Variants in MEPCE observed in about 807,000 individuals in gnomAD.
MEPCE encodes 7SK snRNA methylphosphate capping enzyme.
In MEPCE, 9 loss-of-function variants were observed where a neutral mutation model predicts 52.3. That is an observed-to-expected ratio of 0.17 (90% CI 0.10 to 0.30). The LOEUF is 0.30. MEPCE is among the 10% of genes least tolerant of loss of function. The probability of loss-of-function intolerance (pLI) is 1.00; values close to 1 mark genes in which losing one functional copy is unlikely to be tolerated. For missense variants in MEPCE, 826 were observed against 933.0 expected (o/e 0.89, Z 1.49); for synonymous variants, 477 against 401.6 (o/e 1.19, Z -2.25).
At chr7:100,429,763 T>C (rs1179495233), upstream of MEPCE, 1 of 368,288 alleles carries the variant, frequency 2.7e-6, no homozygotes, top group East Asian at 3.9e-5. Flanking sequence ...GGCCGGGTGG[T>C]AGTGGCGGAG....
In MEPCE at chr7:100,431,835, C is replaced by T. The variant is rs1584325510; in HGVS notation, c.1671+146C>T. 1.2e-5 allele frequency: 9 copies of T among 763,032 alleles called. No homozygotes were observed. In the East Asian group the frequency reaches 2.4e-4, roughly 21 times the overall value. The allele number at this position is 763,032 out of a possible 1,614,324, so 47.3% of individuals were successfully genotyped here. A position where few individuals can be genotyped will look rare whatever the true frequency, so the allele number is the denominator to read the frequency against. On this transcript the variant is annotated intron_variant, in intron 1 of 3. Coordinates refer to ENST00000310512, the MANE Select transcript of MEPCE (RefSeq NM_019606.6). Reference sequence around the variant, plus strand: ...AGCCTCTGCTGGGCGTCTCTCCCCTCTTATAACCTGGAAAGGTGGGGTGTC... The same window carrying T: ...AGCCTCTGCTGGGCGTCTCTCCCCTTTTATAACCTGGAAAGGTGGGGTGTC...
chr7:100,430,450 G>A lies in MEPCE; in HGVS notation c.432G>A (p.Gly144=), dbSNP rs1472283541. The change falls in exon 1 of 4, where the codon GGG becomes GGA. Residue 144 remains glycine (G), a synonymous_variant. Coordinates refer to ENST00000310512, the MANE Select transcript of MEPCE (RefSeq NM_019606.6). ...NGYQPHRPPG[G]GGGKRRNSCN... ...ATCAGCCCCACCGGCCACCTGGGGG[G>A]GGCGGGGGCAAGAGGAGAAATAGCT... 1.9e-6 allele frequency: 3 copies of A among 1,557,684 alleles called. No homozygotes were observed. The highest frequency in any genetic ancestry group is 1.2e-5 in the South Asian group (1 of 85,208).
Position 100,430,263 on chromosome 7 carries a change from C to G in MEPCE, c.245C>G (p.Ala82Gly), listed in dbSNP as rs1026820414. The change falls in exon 1 of 4, where the codon GCG becomes GGG. Residue 82 changes from alanine (A) to glycine (G), a missense_variant. By Grantham distance (60) the Ala-to-Gly change is moderately conservative. This residue lies in a region of MEPCE where 314 missense variants were observed against 277.7 expected (regional missense o/e 1.13). Transcript: ENST00000310512. ...GCCACCTCCTCCAGTGGTCCCCAGG[C>G]GCAGCAGCACCGAGGGGGCGGCCCC... Reference protein sequence around the residue: ...AAATSSSGPQAQQHRGGGPQA... With the variant: ...AAATSSSGPQGQQHRGGGPQA... 1.5e-6 allele frequency: 2 copies of G among 1,370,234 alleles called. No homozygotes were observed. The highest frequency in any genetic ancestry group is 1.9e-6 in the Non-Finnish European group (2 of 1,067,106). The allele number at this position is 1,370,234 out of a possible 1,614,324, so 84.9% of individuals were successfully genotyped here.
Position 100,433,053 on chromosome 7 carries a change from G to C in MEPCE, c.1806G>C (p.Arg602=), listed in dbSNP as rs767086722. Residue 602 remains arginine (R), a synonymous_variant, in exon 2 of 4, where the codon CGG becomes CGC. Coordinates refer to ENST00000310512, the MANE Select transcript of MEPCE (RefSeq NM_019606.6). ...GDEGLKRMFR[R]IYRHLRPGGI... ...AGGGCCTGAAGCGCATGTTTCGCCG[G>C]ATCTACCGGCACCTACGCCCTGGGG... The C allele has an allele frequency of 1.2e-6, 2 of 1,614,066 alleles. No individual in the cohort carries two copies. The highest frequency in any genetic ancestry group is 2.2e-5 in the South Asian group (2 of 91,088).
Position 100,433,625 on chromosome 7 carries a change from T to C in MEPCE, c.*71T>C. The C allele has an allele frequency of 6.9e-7, 1 of 1,445,580 alleles. No individual in the cohort carries two copies. The allele number at this position is 1,445,580 out of a possible 1,614,324, so 89.5% of individuals were successfully genotyped here. A position where few individuals can be genotyped will look rare whatever the true frequency, so the allele number is the denominator to read the frequency against. ...ATAAGGACCTGGGGGAAGAGGAAAG[T>C]GTCCCAAGGTCTTTCCTTTCTGACT... On this transcript the variant is annotated 3_prime_UTR_variant, in exon 4 of 4. Transcript: ENST00000310512.
chr7:100,432,664 T>G (rs1341216133), intron 1 of MEPCE, among the ~76,000 whole-genome samples: 1 of 152,126 alleles, frequency 6.6e-6, no homozygotes, highest in Non-Finnish European at 1.5e-5. Flanking sequence ...CATGGATAAT[T>G]TGCACCATTT....
In MEPCE at chr7:100,431,281, C is replaced by T; in HGVS notation, c.1263C>T (p.Tyr421=). The change falls in exon 1 of 4, where the codon TAC becomes TAT. Residue 421 remains tyrosine, a synonymous_variant. Transcript: ENST00000310512. ...RKFQYGNYCK[Y]YGYRNPSCED... is the part of the protein sequence containing the mutation. ...TCCAGTATGGGAATTATTGCAAATA[C>T]TATGGGTACCGCAATCCTTCCTGTG... The T allele has an allele frequency of 1.2e-6, 2 of 1,614,154 alleles. No homozygotes were observed. The highest frequency in any genetic ancestry group is 1.1e-5 in the South Asian group (1 of 91,090).
chr7:100,430,791 C>T lies in MEPCE; in HGVS notation c.773C>T (p.Thr258Ile), dbSNP rs758679690. 2 of 1,613,774 alleles carry T rather than the reference C, an allele frequency of 1.2e-6. No homozygotes were observed. The highest frequency in any genetic ancestry group is 1.1e-5 in the South Asian group (1 of 91,088). ...GTAGTTCTTGCTTCGCCACTCAAGA[C>T]TGGTCGGAAGCGGCATAGACACCGG... The part of the protein sequence containing the change: ...GHVVLASPLK[T>I]GRKRHRHRGQ... The change falls in exon 1 of 4, where the codon ACT (threonine) becomes ATT (isoleucine). Residue 258 changes from threonine (T) to isoleucine (I), a missense_variant. By Grantham distance (89) the Thr-to-Ile change is moderately conservative (BLOSUM62 -1). This residue lies in a region of MEPCE where 307 missense variants were observed against 292.1 expected (regional missense o/e 1.05). Transcript: ENST00000310512.
At chr7:100,432,691 C>T (rs776805838) in intron 1 of MEPCE, among the ~76,000 whole-genome samples, 5 of 152,160 alleles carry the variant, frequency 3.3e-5, no homozygotes, top group Non-Finnish European at 7.3e-5. Flanking sequence ...ACTCAGGCTC[C>T]GTCGACCTTT....
chr7:100,430,471 T>C lies in MEPCE; in HGVS notation c.453T>C (p.Asn151=). 1 of 1,564,914 alleles carries C rather than the reference T, an allele frequency of 6.4e-7. No homozygotes were observed. Among genetic ancestry groups the C allele is most frequent in the Non-Finnish European group, 8.6e-7 (1 of 1,158,968 alleles). The change falls in exon 1 of 4, where the codon AAT becomes AAC. Residue 151 remains asparagine, a synonymous_variant. Coordinates refer to ENST00000310512, the MANE Select transcript of MEPCE (RefSeq NM_019606.6). The stretch of plus-strand genomic sequence containing the variant: ...GGGGGGGCGGGGGCAAGAGGAGAAA[T>C]AGCTGTAATGTAGGGGGAGGCGGGG... ...PPGGGGGKRR[N]SCNVGGGGGG...
chr7:100,429,989 A>T lies in MEPCE; in HGVS notation c.-30A>T. On this transcript the variant is annotated 5_prime_UTR_variant, in exon 1 of 4. Transcript: ENST00000310512. The stretch of plus-strand genomic sequence containing the variant: ...GTTAGGCCCCCTGATCCCCCTCGTT[A>T]CCCCGACTGGCACGGAATAAGGGGA... The T allele has an allele frequency of 8.1e-7, 1 of 1,241,894 alleles. No homozygotes were observed. The highest frequency in any genetic ancestry group is 1.0e-6 in the Non-Finnish European group (1 of 991,952). The allele number at this position is 1,241,894 out of a possible 1,614,324, so 76.9% of individuals were successfully genotyped here.
chr7:100,433,909 T>G lies in MEPCE; in HGVS notation c.*355T>G. On this transcript the variant is annotated 3_prime_UTR_variant, in exon 4 of 4. Transcript: ENST00000310512. ...TCTCCCAAGGAGAGAGATTCCCATT[T>G]CTCCTCGGCCATTGTACCTAGCTCT... 4.0e-6 allele frequency: 1 copy of G among 247,994 alleles called. No individual in the cohort carries two copies. The highest frequency in any genetic ancestry group is 7.9e-6 in the Non-Finnish European group (1 of 126,614). 15.4% of individuals were successfully genotyped at this position (247,994 alleles called of 1,614,324 possible).
chr7:100,430,261 G>A lies in MEPCE; in HGVS notation c.243G>A (p.Gln81=). 2 of 1,370,242 alleles carry A rather than the reference G, an allele frequency of 1.5e-6. No homozygotes were observed. Among genetic ancestry groups the A allele is most frequent in the Non-Finnish European group, 1.9e-6 (2 of 1,067,064 alleles). 84.9% of individuals were successfully genotyped at this position (1,370,242 alleles called of 1,614,324 possible). ...CGGCCACCTCCTCCAGTGGTCCCCA[G>A]GCGCAGCAGCACCGAGGGGGCGGCC... ...GAAATSSSGP[Q]AQQHRGGGPQ... Residue 81 remains glutamine (Q), a synonymous_variant, in exon 1 of 4, where the codon CAG becomes CAA. Coordinates refer to ENST00000310512, the MANE Select transcript of MEPCE (RefSeq NM_019606.6).
Position 100,431,103 on chromosome 7 carries a change from A to T in MEPCE, c.1085A>T (p.His362Leu). Residue 362 changes from histidine to leucine, a missense_variant, in exon 1 of 4, where the codon CAT becomes CTT. Around this residue, in one of 7 missense-constraint regions of MEPCE, gnomAD observed 307 missense variants for 292.1 expected, o/e 1.05. Coordinates refer to ENST00000310512, the MANE Select transcript of MEPCE (RefSeq NM_019606.6). ...GCACCCCCATCTTCCTCCTCCCGACATCGCAAACGTCGCAGGACTTCCAGC... is the reference window on the plus strand; with the variant it reads ...GCACCCCCATCTTCCTCCTCCCGACTTCGCAAACGTCGCAGGACTTCCAGC... ...ISAPPSSSSR[H>L]RKRRRTSSKS... is the part of the protein sequence containing the mutation. 1 of 1,613,740 alleles carries T rather than the reference A, an allele frequency of 6.2e-7. No homozygotes were observed. Among genetic ancestry groups the T allele is most frequent in the Admixed American group, 1.7e-5 (1 of 60,016 alleles).
Position 100,431,164 on chromosome 7 carries a change from T to A in MEPCE, c.1146T>A (p.Gly382=). 1 of 1,613,232 alleles carries A rather than the reference T, an allele frequency of 6.2e-7. No homozygotes were observed. Among genetic ancestry groups the A allele is most frequent in the East Asian group, 2.2e-5 (1 of 44,874 alleles). Residue 382 remains glycine (G), a synonymous_variant, in exon 1 of 4, where the codon GGT becomes GGA. Coordinates refer to ENST00000310512, the MANE Select transcript of MEPCE (RefSeq NM_019606.6). ...SEAGARGGGQ[G]SKEKGRGSWG... Reference sequence around the variant, plus strand: ...CAGGGGCTAGGGGTGGAGGCCAGGGTTCCAAGGAAAAGGGCCGAGGGAGTT... The same window carrying A: ...CAGGGGCTAGGGGTGGAGGCCAGGGATCCAAGGAAAAGGGCCGAGGGAGTT...
Position 100,431,031 on chromosome 7 carries a change from G to A in MEPCE, c.1013G>A (p.Gly338Asp). The A allele has an allele frequency of 6.2e-7, 1 of 1,613,890 alleles. No individual in the cohort carries two copies. Among genetic ancestry groups the A allele is most frequent in the Non-Finnish European group, 8.5e-7 (1 of 1,180,030 alleles). The change falls in exon 1 of 4, where the codon GGT (glycine) becomes GAT (aspartate). Residue 338 changes from glycine to aspartate, a missense_variant. Physicochemically the swap from Gly to Asp is moderately conservative, Grantham distance 94 (BLOSUM62 -1). Coordinates refer to ENST00000310512, the MANE Select transcript of MEPCE (RefSeq NM_019606.6). ...TCTCCCCTTCCATCTGCTCTGCAGG[G>A]TCCCTCAGGCTCCCTATCAGCCCCT... ...VVSPLPSALQGPSGSLSAPPA... is the reference protein window; with the variant it reads ...VVSPLPSALQDPSGSLSAPPA...
At chr7:100,429,577 A>C (rs1217399966), upstream of MEPCE, 10 of 153,496 alleles carry the variant, frequency 6.5e-5, no homozygotes, top group Non-Finnish European at 7.2e-5. Context: ...TGCGCAGGGA[A>C]GTAGGGTGTC....
chr7:100,430,093 C>A lies in MEPCE; in HGVS notation c.75C>A (p.Gly25=). 1 of 1,263,740 alleles carries A rather than the reference C, an allele frequency of 7.9e-7. No homozygotes were observed. The highest frequency in any genetic ancestry group is 2.4e-4 in the Middle Eastern group (1 of 4,154). 78.3% of individuals were successfully genotyped at this position (1,263,740 alleles called of 1,614,324 possible). A position where few individuals can be genotyped will look rare whatever the true frequency, so the allele number is the denominator to read the frequency against. Residue 25 remains glycine, a synonymous_variant, in exon 1 of 4, where the codon GGC becomes GGA. Coordinates refer to ENST00000310512, the MANE Select transcript of MEPCE (RefSeq NM_019606.6). ...CGCCGCCGCTCAAAGATGAGTCGGGCGGAGGGGGCGGCCCCACGGTGCCAC... is the reference window on the plus strand; with the variant it reads ...CGCCGCCGCTCAAAGATGAGTCGGGAGGAGGGGGCGGCCCCACGGTGCCAC... The part of the protein sequence containing the change: ...APPPPLKDES[G]GGGGPTVPPH...
chr7:100,430,765 T>C lies in MEPCE; in HGVS notation c.747T>C (p.His249=), dbSNP rs748912403. ...LSLNTCTDEG[H]VVLASPLKTG... is the part of the protein sequence containing the mutation. ...TCAATACTTGCACTGATGAGGGCCA[T>C]GTAGTTCTTGCTTCGCCACTCAAGA... The change falls in exon 1 of 4, where the codon CAT becomes CAC. Residue 249 remains histidine (H), a synonymous_variant. Transcript: ENST00000310512. The C allele has an allele frequency of 2.5e-6, 4 of 1,613,818 alleles. No homozygotes were observed. The highest frequency in any genetic ancestry group is 1.3e-5 in the African/African-American group (1 of 75,020).
Sources: gnomAD v4.1 joint callset for allele counts (sites outside exome capture counted in the v4.1 genomes callset) on GRCh38, gnomAD v4.1.1 for gene constraint, gnomAD v4.1.1 regional missense constraint, MANE v1.5 for transcripts, NCBI Gene and HGNC (gene_info 2026-07-23, HGNC 2026-07-21) for gene names.